EPSTI1: variants seen among roughly 807,000 people sequenced by gnomAD.
EPSTI1 encodes epithelial stromal interaction 1, also known as epithelial-stromal interaction protein 1.
In EPSTI1, 66 loss-of-function variants were observed where a neutral mutation model predicts 49.9. The ratio of observed to expected loss-of-function variants is 1.32; its 90% CI spans 1.08 to 1.62. The LOEUF is 1.62. Ranked by LOEUF, EPSTI1 falls within the 40% of genes most tolerant of loss-of-function variation. The probability of loss-of-function intolerance (pLI) is 0.00; values close to 1 mark genes in which losing one functional copy is unlikely to be tolerated. For synonymous variants in EPSTI1, 137 were observed against 130.7 expected, an observed-to-expected ratio of 1.05 and a Z score of -0.33; for missense variants, 394 against 365.5, an observed-to-expected ratio of 1.08 and a Z score of -0.64.
chr13:42,942,100 C>T (rs1451536309), intron 6 of EPSTI1, among the ~76,000 whole-genome samples: 2 of 152,046 alleles, frequency 1.3e-5, no homozygotes, highest in Non-Finnish European at 1.5e-5. Context: ...GCATAAATAT[C>T]TTTTATTGTG....
chr13:42,888,435 GC>G lies in EPSTI1; in HGVS notation c.*58del, dbSNP rs1280527353. The G allele has an allele frequency of 6.2e-7, 1 of 1,614,034 alleles. No individual in the cohort carries two copies. The highest frequency in any genetic ancestry group is 1.3e-5 in the African/African-American group (1 of 75,026). ...CTGAACAAAATCACATTAAGAAAAA[GC>G]ATCTCATGAGGCTTTTCGAGGTCAG... is the stretch of plus-strand genomic sequence containing the variant. On this transcript the variant is annotated 3_prime_UTR_variant, in exon 11 of 11. Coordinates refer to ENST00000313624, the MANE Select transcript of EPSTI1 (RefSeq NM_033255.5).
chr13:42,955,106 C>G (rs981164066), intron 5 of EPSTI1, among the ~76,000 whole-genome samples: 1 of 152,044 alleles, frequency 6.6e-6, no homozygotes, highest in African/African-American at 2.4e-5. Context: ...CAAAGAAAAT[C>G]AATTATAAGG....
At chr13:42,932,163 C>A (rs1190499004) in intron 6 of EPSTI1, among the ~76,000 whole-genome samples, 1 of 151,874 alleles carries the variant, frequency 6.6e-6, no homozygotes, top group African/African-American at 2.4e-5. Context: ...AAACTTCTGG[C>A]CTCAAGTGAT....
At chr13:42,961,858 C>A (rs747102639) in intron 5 of EPSTI1, among the ~76,000 whole-genome samples, 104 of 152,280 alleles carry the variant, frequency 6.8e-4, no homozygotes, top group Non-Finnish European at 1.3e-3. Flanking sequence ...GGGCAGCAGC[C>A]ATTTGCCTGG....
At chr13:42,963,749 CA>C (rs1437300990) in intron 4 of EPSTI1, among the ~76,000 whole-genome samples, 3 of 152,124 alleles carry the variant, frequency 2.0e-5, no homozygotes, top group Non-Finnish European at 2.9e-5. Context: ...ATGCAGTAAA[CA>C]AATCCATATT....
Position 42,991,313 on chromosome 13 carries a change from T to A in EPSTI1, c.188+665A>T, listed in dbSNP as rs145649812. Reference sequence around the variant, plus strand: ...TCTGTTTTGTTTTGTTTTGAGACAGTCTCGCTCTGTTGCCCAGGCTGGAGT... The same window carrying A: ...TCTGTTTTGTTTTGTTTTGAGACAGACTCGCTCTGTTGCCCAGGCTGGAGT... On this transcript the variant is annotated intron_variant, in intron 1 of 10. Coordinates refer to ENST00000313624, the MANE Select transcript of EPSTI1 (RefSeq NM_033255.5). 8.9e-3 allele frequency: 1,365 copies of A among 152,970 alleles called. 7 individuals are homozygous for A. The highest frequency in any genetic ancestry group is 0.013 in the Non-Finnish European group (898 of 68,518). 9.5% of individuals were successfully genotyped at this position (152,970 alleles called of 1,614,324 possible). A position where few individuals can be genotyped will look rare whatever the true frequency, so the allele number is the denominator to read the frequency against.
intron 3 of EPSTI1, among the ~76,000 whole-genome samples, chr13:42,964,402 A>C (rs9567075): frequency 0.32 from 48,298 of 151,998 alleles, 7,829 homozygotes; most frequent in Middle Eastern, 0.51. Context: ...TGTAGGTATT[A>C]AAGTTTTCAC....
chr13:42,965,540 G>C (rs1056592024), intron 3 of EPSTI1, among the ~76,000 whole-genome samples: 8 of 152,318 alleles, frequency 5.3e-5, no homozygotes, highest in African/African-American at 1.9e-4. Context: ...GCCTATAAAA[G>C]AGGTTGGTTA....
At chr13:42,931,362 C>A (rs968310083) in intron 6 of EPSTI1, among the ~76,000 whole-genome samples, 1 of 151,662 alleles carries the variant, frequency 6.6e-6, no homozygotes, top group East Asian at 1.9e-4. Flanking sequence ...CCCGCCACCG[C>A]GCCCGGCTAA....
intron 10 of EPSTI1, among the ~76,000 whole-genome samples, chr13:42,889,010 C>T (rs1198981066): frequency 2.6e-5 from 4 of 152,160 alleles, no homozygotes; most frequent in Non-Finnish European, 1.5e-5. Flanking sequence ...CAGTGCTGGG[C>T]CACGCTACGT....
intron 1 of EPSTI1, among the ~76,000 whole-genome samples, chr13:42,990,497 G>A (rs183732702): frequency 3.3e-4 from 50 of 152,296 alleles, no homozygotes; most frequent in East Asian, 1.7e-3. Flanking sequence ...CATGTTCATC[G>A]TTAACTATTC....
chr13:42,901,614 ATATTAGTACTCTT>A (rs1270297184), intron 8 of EPSTI1, among the ~76,000 whole-genome samples: 1 of 152,164 alleles, frequency 6.6e-6, no homozygotes, highest in Non-Finnish European at 1.5e-5. Flanking sequence ...AGTCTACCAA[ATATTAGTACTCTT>A]TATTAGTACT....
rs1454798997 is a variant in EPSTI1 at position 42,921,605 on chromosome 13, A to G, written c.658-3981T>C. Among the ~76,000 whole-genome samples the G allele has an allele frequency of 6.6e-5, 10 of 152,316 alleles. No homozygotes were observed. The East Asian group carries it at 1.9e-3, about 29-fold the overall frequency. ...GCAATTCCCAAGATGACTTTAAAAC[A>G]GGGATTCTCAACCTTGGCTGCACAT... On this transcript the variant is annotated intron_variant, in intron 7 of 10. Transcript: ENST00000313624.
chr13:42,888,756 T>C (rs1253064278), intron 10 of EPSTI1, among the ~76,000 whole-genome samples: 1 of 152,204 alleles, frequency 6.6e-6, no homozygotes, highest in South Asian at 2.1e-4. Flanking sequence ...TTCTTAGAGA[T>C]AGACTAACAG....
chr13:42,923,966 C>A (rs1365957632), intron 7 of EPSTI1, among the ~76,000 whole-genome samples: 1 of 152,208 alleles, frequency 6.6e-6, no homozygotes, highest in Admixed American at 6.5e-5. Flanking sequence ...ATTCTTCCAG[C>A]TCATCACATC....
chr13:42,890,356 G>C (rs2036998650), intron 10 of EPSTI1, among the ~76,000 whole-genome samples: 1 of 140,050 alleles, frequency 7.1e-6, no homozygotes, highest in Non-Finnish European at 1.5e-5. Context: ...GGACTGTGGT[G>C]GCGCAATCCC....
In EPSTI1 at chr13:42,964,158, A is replaced by G. The variant is rs765617005; in HGVS notation, c.332-19T>C. 1.2e-6 allele frequency: 2 copies of G among 1,606,930 alleles called. No individual in the cohort carries two copies. Among genetic ancestry groups the G allele is most frequent in the South Asian group, 2.2e-5 (2 of 90,482 alleles). Reference sequence around the variant, plus strand: ...CTTCCACCTTAGGAAAAAAAAATCCATGAAGGTGAAACATAAATATTAAGC... The same window carrying G: ...CTTCCACCTTAGGAAAAAAAAATCCGTGAAGGTGAAACATAAATATTAAGC... On this transcript the variant is annotated intron_variant, in intron 3 of 10. Coordinates refer to ENST00000313624, the MANE Select transcript of EPSTI1 (RefSeq NM_033255.5).
At chr13:42,979,595 A>G (rs1440192682) in intron 1 of EPSTI1, among the ~76,000 whole-genome samples, 2 of 124,214 alleles carry the variant, frequency 1.6e-5, no homozygotes, top group Non-Finnish European at 3.5e-5. Flanking sequence ...AAAAAAAAAA[A>G]AAAAAAAGAA....
chr13:42,969,561 G>T, intron 2 of EPSTI1: 1 of 214,100 alleles, frequency 4.7e-6, no homozygotes, highest in Non-Finnish European at 9.4e-6. Context: ...TCCACACATA[G>T]GTAAACATAT....
Sources: allele counts gnomAD v4.1 joint callset (sites outside exome capture counted in the v4.1 genomes callset), GRCh38; gene constraint gnomAD v4.1.1; transcripts MANE v1.5; gene names NCBI Gene and HGNC (gene_info 2026-07-23, HGNC 2026-07-21).